SBK1: variants seen among roughly 807,000 people sequenced by gnomAD.
SBK1 encodes the protein SH3 domain binding kinase 1, also known as serine/threonine-protein kinase SBK1.
SBK1 carries 11 observed loss-of-function variants against 24.4 expected under a neutral mutation model. The observed-to-expected ratio is 0.45, with a 90% confidence interval of 0.28 to 0.75. The LOEUF is 0.75. Ranked by LOEUF, SBK1 falls within the 30% of genes least tolerant of loss-of-function variation. The pLI is 0.12. For synonymous variants in SBK1, 308 were observed against 284.4 expected, an observed-to-expected ratio of 1.08 and a Z score of -0.83; for missense variants, 467 against 620.5, an observed-to-expected ratio of 0.75 and a Z score of 2.63.
chr16:28,268,515 C>A (rs1292016735), intron 1 of SBK1, among the ~76,000 whole-genome samples: 1 of 151,632 alleles, frequency 6.6e-6, no homozygotes, highest in Non-Finnish European at 1.5e-5. Flanking sequence ...GTAATCCCAG[C>A]ACTTTGGGAG....
At chr16:28,297,600 C>T (rs1410051693) in intron 1 of SBK1, among the ~76,000 whole-genome samples, 4 of 152,220 alleles carry the variant, frequency 2.6e-5, no homozygotes, top group Non-Finnish European at 5.9e-5. Flanking sequence ...CTTACCCTTT[C>T]TGGGCCTCAG....
At chr16:28,277,637 C>A (rs1000900797) in intron 1 of SBK1, among the ~76,000 whole-genome samples, 1 of 152,158 alleles carries the variant, frequency 6.6e-6, no homozygotes, top group Non-Finnish European at 1.5e-5. Context: ...CCAGCCTGGG[C>A]GACAGTGAGA....
At chr16:28,288,219 G>A (rs1310083977), upstream of SBK1, among the ~76,000 whole-genome samples, 3 of 152,176 alleles carry the variant, frequency 2.0e-5, no homozygotes, top group Non-Finnish European at 4.4e-5. Flanking sequence ...CCTGTTCGAG[G>A]AGTCCTGTGT....
intron 1 of SBK1, among the ~76,000 whole-genome samples, chr16:28,312,836 C>T (rs575160222): frequency 6.6e-6 from 1 of 151,972 alleles, no homozygotes; most frequent in Admixed American, 6.6e-5. Context: ...CCCATCTCTA[C>T]AAAAAATAAA....
At chr16:28,308,450 CTTTTTTTTTT>C (rs59880320) in intron 1 of SBK1, among the ~76,000 whole-genome samples, 3 of 40,010 alleles carry the variant, frequency 7.5e-5, no homozygotes, top group South Asian at 1.4e-3. Flanking sequence ...CATGCTTGGG[CTTTTTTTTTT>C]TTTTTTTTTT....
At chr16:28,285,997 G>A (rs2044563441) in intron 1 of SBK1, 1 of 152,454 alleles carries the variant, frequency 6.6e-6, no homozygotes, top group Admixed American at 6.5e-5. Flanking sequence ...TGGTCACAGA[G>A]TTGTATTTCG....
chr16:28,292,522 C>A, upstream of SBK1: 1 of 978,336 alleles, frequency 1.0e-6, no homozygotes, highest in South Asian at 4.6e-5. Context: ...AGGGCGGAGC[C>A]GCGATGCCGC....
upstream of SBK1, chr16:28,291,421 T>A (rs2044597723): frequency 6.6e-6 from 1 of 151,932 alleles, no homozygotes; most frequent in South Asian, 2.1e-4. Flanking sequence ...GACGAGTTAA[T>A]GGGTGCAGCA....
rs538255845 is a variant in SBK1, at chr16:28,317,045, T to A, written c.-7-340T>A. On this transcript the variant is annotated intron_variant, in intron 1 of 3. Transcript: ENST00000341901. This position sits in a 1 kb window ranked among gnomAD's most constrained non-coding sequence, Gnocchi z 4.2. The stretch of plus-strand genomic sequence containing the variant: ...TCCAAATAAAACCAACGCTTCTGAA[T>A]GGGAGTACCCGTGTGAACTCGGTAT... Among the ~76,000 whole-genome samples, 215 of 152,312 alleles carry A rather than the reference T, an allele frequency of 1.4e-3. No individual in the cohort carries two copies. Among genetic ancestry groups the A allele is most frequent in the Non-Finnish European group, 1.7e-3 (114 of 68,038 alleles).
chr16:28,266,735 T>C (rs11643159), intron 1 of SBK1, among the ~76,000 whole-genome samples: 7,156 of 60,450 alleles, frequency 0.12, 379 homozygotes, highest in African/African-American at 0.32. Context: ...TTTCTTTTCT[T>C]TTTTTTTTTT....
At chr16:28,261,724 C>T (rs1246343301) in intron 1 of SBK1, among the ~76,000 whole-genome samples, 1 of 152,182 alleles carries the variant, frequency 6.6e-6, no homozygotes, top group Admixed American at 6.5e-5. Flanking sequence ...TTTGCAGCTT[C>T]AGGTCTTAGG....
chr16:28,322,978 CTCCT>C lies in SBK1; in HGVS notation c.*2058_*2061del, dbSNP rs1313733076. On this transcript the variant is annotated 3_prime_UTR_variant, in exon 4 of 4. Transcript: ENST00000341901. The stretch of plus-strand genomic sequence containing the variant: ...TCTCTCTCTCTCTCTCTCTCTCTCT[CTCCT>C]CTCTTTCTCTCTCTCCCTCTCTCTG... 2.3e-5 allele frequency: 3 copies of C among 131,514 alleles called. No individual in the cohort carries two copies. Among genetic ancestry groups the C allele is most frequent in the Non-Finnish European group, 4.8e-5 (3 of 62,030 alleles). 8.1% of individuals were successfully genotyped at this position (131,514 alleles called of 1,614,324 possible).
intron 1 of SBK1, among the ~76,000 whole-genome samples, chr16:28,315,289 G>A (rs536844505): frequency 6.6e-6 from 1 of 152,184 alleles, no homozygotes; most frequent in African/African-American, 2.4e-5. Context: ...GGATGTGTTC[G>A]TGGTCTCGAC....
chr16:28,315,909 G>A (rs2044791947), intron 1 of SBK1, among the ~76,000 whole-genome samples: 1 of 152,066 alleles, frequency 6.6e-6, no homozygotes, highest in African/African-American at 2.4e-5. Flanking sequence ...GGGATTACAG[G>A]CGTGCATCAC....
At chr16:28,268,039 TG>T (rs2044441233) in intron 1 of SBK1, among the ~76,000 whole-genome samples, 1 of 151,992 alleles carries the variant, frequency 6.6e-6, no homozygotes, top group African/African-American at 2.4e-5. Context: ...CCCAGCTACT[TG>T]GGGGGCTGAG....
intron 1 of SBK1, among the ~76,000 whole-genome samples, chr16:28,278,848 G>A (rs1025917376): frequency 6.6e-6 from 1 of 152,234 alleles, no homozygotes; most frequent in Non-Finnish European, 1.5e-5. Flanking sequence ...ATCGGTGTCA[G>A]GTGTACAGCG....
At chr16:28,268,245 T>G (rs2044442533) in intron 1 of SBK1, among the ~76,000 whole-genome samples, 1 of 146,468 alleles carries the variant, frequency 6.8e-6, no homozygotes, top group Non-Finnish European at 1.6e-5. Flanking sequence ...GGTTTTTTGG[T>G]TTTTGTTTTT....
At chr16:28,274,954 G>A (rs1182473944) in intron 1 of SBK1, among the ~76,000 whole-genome samples, 1 of 152,192 alleles carries the variant, frequency 6.6e-6, no homozygotes, top group African/African-American at 2.4e-5. Context: ...AAGAAGCAAT[G>A]TAAACATGGT....
rs140713501 is a variant in SBK1, at chr16:28,277,336, C to CAG, written c.257+17850_257+17851dup. Among the ~76,000 whole-genome samples the CAG allele has an allele frequency of 8.8e-3, 1,310 of 148,168 alleles. 15 individuals are homozygous for CAG. Among genetic ancestry groups the CAG allele is most frequent in the African/African-American group, 0.031 (1,259 of 40,390 alleles). The stretch of plus-strand genomic sequence containing the variant: ...GAGAACCACGGTGTAAACATAGAGA[C>CAG]AGAGAGAGAGAGAGAGAAAAAAAAA... On this transcript the variant is annotated intron_variant, in intron 1 of 3. Transcript: ENST00000671413.
Sources: gnomAD v4.1 joint callset for allele counts (sites outside exome capture counted in the v4.1 genomes callset) on GRCh38, gnomAD v4.1.1 for gene constraint, Gnocchi (gnomAD v3.1) non-coding constraint, MANE v1.5 for transcripts, NCBI Gene and HGNC (gene_info 2026-07-23, HGNC 2026-07-21) for gene names.